PCDHA10: variants seen among roughly 807,000 people sequenced by gnomAD.
PCDHA10 encodes the protein protocadherin alpha 10.
A neutral mutation model predicts 61.2 loss-of-function variants in PCDHA10; 45 were observed. The ratio of observed to expected loss-of-function variants is 0.74; its 90% CI spans 0.58 to 0.94. The LOEUF is 0.94. Ranked by LOEUF, PCDHA10 falls within the 40% of genes least tolerant of loss-of-function variation. PCDHA10 has a pLI of 0.00. For missense variants in PCDHA10, 1,278 were observed against 1,236.2 expected, an observed-to-expected ratio of 1.03 and a Z score of -0.51; for synonymous variants, 602 against 548.8, an observed-to-expected ratio of 1.10 and a Z score of -1.35.
At chr5:141,005,520 G>A (rs34458028) in intron 3 of PCDHA10, among the ~76,000 whole-genome samples, 7,602 of 151,238 alleles carry the variant, frequency 0.05, 239 homozygotes, top group South Asian at 0.11. Flanking sequence ...TGGCTAACAC[G>A]GTGAAACCCC....
intron 3 of PCDHA10, among the ~76,000 whole-genome samples, chr5:140,996,673 T>C (rs2097737293): frequency 6.6e-6 from 1 of 152,200 alleles, no homozygotes; most frequent in African/African-American, 2.4e-5. Context: ...TTTTGAACCA[T>C]GTTGGGCTAG....
chr5:140,873,240 A>G (rs1008708021), intron 1 of PCDHA10, among the ~76,000 whole-genome samples: 10 of 152,226 alleles, frequency 6.6e-5, no homozygotes, highest in African/African-American at 2.4e-4. Context: ...ATAAAAATAT[A>G]AAATATTTCA....
chr5:140,865,077 A>G (rs2048727264), intron 1 of PCDHA10: 1 of 152,246 alleles, frequency 6.6e-6, no homozygotes, highest in Non-Finnish European at 1.5e-5. Flanking sequence ...TATAAGAACC[A>G]TGGGATATTA....
At chr5:140,974,856 C>G (rs2096643713) in intron 1 of PCDHA10, among the ~76,000 whole-genome samples, 1 of 152,104 alleles carries the variant, frequency 6.6e-6, no homozygotes, top group African/African-American at 2.4e-5. Context: ...TTCCCTTTTG[C>G]CTTAATGCGG....
chr5:140,960,249 T>C (rs2095534563), intron 1 of PCDHA10, among the ~76,000 whole-genome samples: 1 of 152,210 alleles, frequency 6.6e-6, no homozygotes, highest in African/African-American at 2.4e-5. Flanking sequence ...AGAAGCTTCC[T>C]GGAGCTTCTG....
At chr5:140,978,594 G>C (rs184264823) in intron 1 of PCDHA10, among the ~76,000 whole-genome samples, 31 of 152,288 alleles carry the variant, frequency 2.0e-4, no homozygotes, top group African/African-American at 7.5e-4. Flanking sequence ...CCCTTAATGG[G>C]GCACTTGAGG....
intron 1 of PCDHA10, among the ~76,000 whole-genome samples, chr5:140,901,786 T>C (rs2068901288): frequency 6.6e-6 from 1 of 152,242 alleles, no homozygotes; most frequent in South Asian, 2.1e-4. Context: ...TAGATTACTT[T>C]GGGTAGTATG....
At chr5:140,968,592 C>G (rs1554230905) in intron 1 of PCDHA10, 1 of 1,614,208 alleles carries the variant, frequency 6.2e-7, no homozygotes, top group African/African-American at 1.3e-5. Flanking sequence ...AAAGTCATAG[C>G]TATGGACTCA....
chr5:140,876,814 G>C (rs571648883), intron 1 of PCDHA10: 4 of 1,614,226 alleles, frequency 2.5e-6, no homozygotes, highest in Non-Finnish European at 2.5e-6. Flanking sequence ...GGTGGCCGAC[G>C]TGAACGACAA....
intron 1 of PCDHA10, among the ~76,000 whole-genome samples, chr5:140,922,606 T>C (rs1394298971): frequency 2.6e-5 from 4 of 152,176 alleles, no homozygotes; most frequent in African/African-American, 9.7e-5. Context: ...GTTGAAGATA[T>C]ATTAAAACTA....
chr5:140,869,089 C>T (rs141432478), intron 1 of PCDHA10: 5 of 1,588,880 alleles, frequency 3.1e-6, no homozygotes, highest in Non-Finnish European at 4.3e-6. Flanking sequence ...ATTTTGGAAG[C>T]CAATTTCGTA....
chr5:141,009,690 T>G lies in PCDHA10; in HGVS notation c.2600T>G (p.Phe867Cys). The G allele has an allele frequency of 6.2e-7, 1 of 1,614,068 alleles. No homozygotes were observed. The highest frequency in any genetic ancestry group is 8.5e-7 in the Non-Finnish European group (1 of 1,180,024). The change falls in exon 4 of 4, where the codon TTT (phenylalanine) becomes TGT (cysteine). Residue 867 changes from phenylalanine to cysteine, a missense_variant. Phe to Cys is a radical substitution (Grantham distance 205). Coordinates refer to ENST00000307360, the MANE Select transcript of PCDHA10 (RefSeq NM_018901.4). ...GGTGTCAACAGCAACAGCTGGACCT[T>G]TAAATACGGACCAGGCAACCCCAAA... ...GAGVNSNSWT[F>C]KYGPGNPKQS...
intron 1 of PCDHA10, chr5:140,867,665 T>C (rs2050092984): frequency 6.6e-6 from 1 of 152,154 alleles, no homozygotes; most frequent in Non-Finnish European, 1.5e-5. Context: ...CACTTTCTAC[T>C]CTAAAATTTT....
rs1554150390 is a variant in PCDHA10 at position 140,857,623 on chromosome 5, G to T, written c.1575G>T (p.Glu525Asp). ...KVYALQPLDH[E>D]ELELLQFQVS... ...ACGCGCTGCAGCCGCTGGACCACGA[G>T]GAGCTGGAGCTGCTACAGTTCCAGG... Residue 525 changes from glutamate (E) to aspartate (D), a missense_variant, in exon 1 of 4, where the codon GAG becomes GAT. Glu to Asp is a conservative substitution (Grantham distance 45). Transcript: ENST00000307360. 2.5e-6 allele frequency: 4 copies of T among 1,596,656 alleles called. No homozygotes were observed. The highest frequency in any genetic ancestry group is 8.6e-7 in the Non-Finnish European group (1 of 1,167,750).
Position 140,880,405 on chromosome 5 carries a change from G to T in PCDHA10, c.2388+21969G>T, listed in dbSNP as rs183953148. Among the ~76,000 whole-genome samples, 426 of 152,300 alleles carry T rather than the reference G, an allele frequency of 2.8e-3. 2 individuals carry two copies. The highest frequency in any genetic ancestry group is 0.014 in the Middle Eastern group (4 of 294). On this transcript the variant is annotated intron_variant, in intron 1 of 3. Coordinates refer to ENST00000307360, the MANE Select transcript of PCDHA10 (RefSeq NM_018901.4). ...AAATAATTTTTAAGAGCATATGGTTGACCTTAAAAGCGGGAACAGTTTTTC... is the reference window on the plus strand; with the variant it reads ...AAATAATTTTTAAGAGCATATGGTTTACCTTAAAAGCGGGAACAGTTTTTC...
At chr5:140,885,864 GA>G (rs1267536827) in intron 1 of PCDHA10, among the ~76,000 whole-genome samples, 5 of 151,842 alleles carry the variant, frequency 3.3e-5, no homozygotes, top group African/African-American at 4.8e-5. Context: ...CTTTTCTATT[GA>G]AAAAAAATTT....
intron 1 of PCDHA10, among the ~76,000 whole-genome samples, chr5:140,873,389 T>C (rs2054266406): frequency 6.6e-6 from 1 of 152,220 alleles, no homozygotes; most frequent in Admixed American, 6.5e-5. Flanking sequence ...GACTTGGGAA[T>C]GTTTTCAGTA....
At chr5:140,925,187 C>T (rs2082372782) in intron 1 of PCDHA10, among the ~76,000 whole-genome samples, 1 of 152,134 alleles carries the variant, frequency 6.6e-6, no homozygotes, top group Admixed American at 6.5e-5. Flanking sequence ...TGTACCATCA[C>T]CCAGCTTCAA....
At chr5:140,930,832 T>A (rs1375434055) in intron 1 of PCDHA10, among the ~76,000 whole-genome samples, 1 of 152,226 alleles carries the variant, frequency 6.6e-6, no homozygotes, top group East Asian at 1.9e-4. Flanking sequence ...GCTGACTGAA[T>A]GAATAAATAT....
Sources: gnomAD v4.1 joint callset for allele counts (sites outside exome capture counted in the v4.1 genomes callset) on GRCh38, gnomAD v4.1.1 for gene constraint, MANE v1.5 for transcripts, NCBI Gene and HGNC (gene_info 2026-07-23, HGNC 2026-07-21) for gene names.